The following FRMD4B variants were observed in gnomAD, a reference collection of about 807,000 sequenced individuals.
FRMD4B encodes FERM domain-containing protein 4B.
A neutral mutation model predicts 141.5 loss-of-function variants in FRMD4B; 74 were observed. The ratio of observed to expected loss-of-function variants is 0.52; its 90% confidence interval spans 0.43 to 0.63. The LOEUF (loss-of-function observed/expected upper bound fraction) is 0.63. Ranked by LOEUF, FRMD4B falls within the 30% of genes least tolerant of loss-of-function variation. FRMD4B has a pLI of 0.00. For missense variants in FRMD4B, 1,366 were observed against 1,253.4 expected (o/e 1.09, Z -1.36); for synonymous variants, 506 against 467.9 (o/e 1.08, Z -1.05).
chr3:69,288,783 A>T (rs1700781510), intron 4 of FRMD4B, among the ~76,000 whole-genome samples: 1 of 152,216 alleles, frequency 6.6e-6, no homozygotes, highest in Non-Finnish European at 1.5e-5. Context: ...CTCTCAGATC[A>T]GTGAGAGTGA....
Position 69,481,492 on chromosome 3 carries a change from A to G in FRMD4B, c.-128-48731T>C, listed in dbSNP as rs542709522. Among the ~76,000 whole-genome samples, 6 of 152,272 alleles carry G rather than the reference A, an allele frequency of 3.9e-5. No homozygotes were observed. In the South Asian group the frequency reaches 1.2e-3, roughly 32 times the overall value. ...AACCCCAGTATGAAAATCCCTCAGT[A>G]AAAAAGGGAAATTTAGAGAGGCTAT... On this transcript the variant is annotated intron_variant, in intron 1 of 5. Transcript: ENST00000459638.
intron 4 of FRMD4B, among the ~76,000 whole-genome samples, chr3:69,298,171 A>G (rs890971614): frequency 6.6e-6 from 1 of 152,254 alleles, no homozygotes; most frequent in African/African-American, 2.4e-5. Context: ...ACATTTCAGT[A>G]GAGAGAAAAC....
At chr3:69,195,444 T>A in intron 14 of FRMD4B, 80 bp from the exon 15 acceptor site, 1 of 1,117,582 alleles carries the variant, frequency 8.9e-7, no homozygotes. Flanking sequence ...ATTTTTAAGC[T>A]AAAGCTGCTA....
At chr3:69,444,815 TAA>T (rs921671518) in intron 1 of FRMD4B, among the ~76,000 whole-genome samples, 1 of 152,242 alleles carries the variant, frequency 6.6e-6, no homozygotes, top group African/African-American at 2.4e-5. Context: ...CAGATTGTTT[TAA>T]ACAATTTTCA....
intron 1 of FRMD4B, among the ~76,000 whole-genome samples, chr3:69,330,233 T>C (rs1702319401): frequency 6.6e-6 from 1 of 151,484 alleles, no homozygotes; most frequent in African/African-American, 2.4e-5. Context: ...TTTCTACCCA[T>C]TTCTACTTTG....
intron 1 of FRMD4B, among the ~76,000 whole-genome samples, chr3:69,507,047 T>G (rs1706607582): frequency 6.6e-6 from 1 of 152,140 alleles, no homozygotes; most frequent in Admixed American, 6.6e-5. Flanking sequence ...TTCATAGAGA[T>G]TCTAATATAG....
intron 11 of FRMD4B, among the ~76,000 whole-genome samples, chr3:69,204,283 G>A (rs1301834214): frequency 6.6e-6 from 1 of 152,186 alleles, no homozygotes; most frequent in Non-Finnish European, 1.5e-5. Context: ...GGGTCAAACT[G>A]TCTTTTTAAA....
chr3:69,508,049 G>A (rs1448419614), intron 1 of FRMD4B, among the ~76,000 whole-genome samples: 3 of 152,044 alleles, frequency 2.0e-5, no homozygotes, highest in Non-Finnish European at 4.4e-5. Context: ...TATTCACCCT[G>A]GTTCAGAAGC....
At chr3:69,534,828 A>G (rs946960551) in intron 1 of FRMD4B, among the ~76,000 whole-genome samples, 1 of 152,234 alleles carries the variant, frequency 6.6e-6, no homozygotes, top group African/African-American at 2.4e-5. Context: ...TGTCAAATGG[A>G]CAATAAGTGG....
chr3:69,346,158 C>T (rs1702933977), intron 1 of FRMD4B, among the ~76,000 whole-genome samples: 2 of 152,004 alleles, frequency 1.3e-5, no homozygotes, highest in Admixed American at 6.6e-5. Context: ...GAGCTGAAAA[C>T]CATGGCACAA....
intron 2 of FRMD4B, among the ~76,000 whole-genome samples, chr3:69,312,117 T>A (rs1044821352): frequency 7.2e-5 from 11 of 152,114 alleles, no homozygotes; most frequent in African/African-American, 2.2e-4. Context: ...AAGGATGTAA[T>A]CTATAAGCTT....
intron 1 of FRMD4B, among the ~76,000 whole-genome samples, chr3:69,364,364 G>A (rs1011178940): frequency 1.3e-5 from 2 of 152,206 alleles, no homozygotes; most frequent in African/African-American, 2.4e-5. Context: ...GGAAGCATGC[G>A]CTGGGACCTG....
At chr3:69,376,108 T>C (rs1207003025) in intron 1 of FRMD4B, among the ~76,000 whole-genome samples, 3 of 152,184 alleles carry the variant, frequency 2.0e-5, no homozygotes, top group African/African-American at 4.8e-5. Flanking sequence ...ATTATATATA[T>C]TGTTTATAGA....
At chr3:69,432,117 C>T (rs1705191204) in intron 2 of FRMD4B, among the ~76,000 whole-genome samples, 1 of 152,132 alleles carries the variant, frequency 6.6e-6, no homozygotes, top group African/African-American at 2.4e-5. Context: ...AACGCCAGTA[C>T]TGATACTAAG....
chr3:69,507,260 G>A (rs902582961), intron 1 of FRMD4B, among the ~76,000 whole-genome samples: 1 of 152,080 alleles, frequency 6.6e-6, no homozygotes, highest in Non-Finnish European at 1.5e-5. Flanking sequence ...TCAGTGAAAG[G>A]TCCATCTCTC....
At chr3:69,236,228 GTTT>G (rs545415221) in intron 7 of FRMD4B, among the ~76,000 whole-genome samples, 2 of 139,706 alleles carry the variant, frequency 1.4e-5, no homozygotes, top group Middle Eastern at 3.8e-3. Flanking sequence ...TATTGTTTTG[GTTT>G]TTTTTTTTTT....
chr3:69,189,902 C>A lies in FRMD4B; in HGVS notation c.1765G>T (p.Asp589Tyr). 1 of 1,588,736 alleles carries A rather than the reference C, an allele frequency of 6.3e-7. No individual in the cohort carries two copies. Among genetic ancestry groups the A allele is most frequent in the Non-Finnish European group, 8.6e-7 (1 of 1,157,530 alleles). Residue 589 changes from aspartate to tyrosine, a missense_variant, in exon 18 of 23, where the codon GAT becomes TAT. Coordinates refer to ENST00000398540, the MANE Select transcript of FRMD4B (RefSeq NM_015123.3). Reference sequence around the variant, plus strand: ...AAAAGGAAGAGCCACTTACGATCATCATAGGTGGTGGTGTCAGACAAAGAG... The same window carrying A: ...AAAAGGAAGAGCCACTTACGATCATAATAGGTGGTGGTGTCAGACAAAGAG... Reference protein sequence around the residue: ...SSSLSDTTTYDDPSDAFTFPG... With the variant: ...SSSLSDTTTYYDPSDAFTFPG...
intron 1 of FRMD4B, among the ~76,000 whole-genome samples, chr3:69,341,394 C>T (rs967235894): frequency 5.3e-5 from 8 of 152,212 alleles, no homozygotes; most frequent in African/African-American, 1.7e-4. Flanking sequence ...CAACTCAACA[C>T]AAGGCCAAAT....
intron 1 of FRMD4B, among the ~76,000 whole-genome samples, chr3:69,318,259 GCGATAGTACC>G: frequency 6.6e-6 from 1 of 152,166 alleles, no homozygotes; most frequent in East Asian, 1.9e-4. Flanking sequence ...ATAGATGTGA[GCGATAGTACC>G]CAGCCGGATT....
Sources: allele counts gnomAD v4.1 joint callset (sites outside exome capture counted in the v4.1 genomes callset), GRCh38; gene constraint gnomAD v4.1.1; transcripts MANE v1.5; gene names NCBI Gene and HGNC (gene_info 2026-07-23, HGNC 2026-07-21).